Variants in NKAIN3 observed in about 807,000 individuals in gnomAD.
The protein encoded by NKAIN3 is sodium/potassium transporting ATPase interacting 3, also known as sodium/potassium-transporting ATPase subunit beta-1-interacting protein 3.
A neutral mutation model predicts 30.2 loss-of-function variants in NKAIN3; 25 were observed. The observed-to-expected ratio is 0.83, with a 90% confidence interval of 0.60 to 1.16. The LOEUF is 1.16. NKAIN3 is among the 50% of genes most tolerant of loss of function. The pLI, the probability that NKAIN3 is intolerant of heterozygous loss-of-function variation, is 0.00. For synonymous variants in NKAIN3, 91 were observed against 89.6 expected, an observed-to-expected ratio of 1.02 and a Z score of -0.09; for missense variants, 225 against 254.1, an observed-to-expected ratio of 0.89 and a Z score of 0.78.
rs141390890 is a variant in NKAIN3, at chr8:62,436,276, G to A, written c.55-143263G>A. Among the ~76,000 whole-genome samples, 101 of 152,192 alleles carry A rather than the reference G, an allele frequency of 6.6e-4. No individual in the cohort carries two copies. In the South Asian group the frequency reaches 0.011, roughly 17 times the overall value. Reference sequence around the variant, plus strand: ...AGTCTTCTTCCACTTGTATTTTACCGCAAATGTTACTGACTGTTTTCTAAT... The same window carrying A: ...AGTCTTCTTCCACTTGTATTTTACCACAAATGTTACTGACTGTTTTCTAAT... On this transcript the variant is annotated intron_variant, in intron 1 of 6. Transcript: ENST00000623646.
chr8:62,650,126 T>TG lies in NKAIN3; in HGVS notation c.273+60332_273+60333insG, dbSNP rs57560546. 9.4e-3 allele frequency among the ~76,000 whole-genome samples: 1,429 copies of TG among 152,266 alleles called. 16 individuals carry two copies. Among genetic ancestry groups the TG allele is most frequent in the African/African-American group, 0.032 (1,327 of 41,562 alleles). On this transcript the variant is annotated intron_variant, in intron 3 of 6. Coordinates refer to ENST00000623646, the MANE Select transcript of NKAIN3 (RefSeq NM_001304533.3). ...TTTGGTCCTTCTCTTCTGGTGACTA[T>TG]AAGGCAGATATATTTATTATCAGTT...
At position 62,983,168 on chromosome 8, in the gene NKAIN3, G is replaced by GTC. The variant is rs1399391662; in HGVS notation, c.*17762_*17763dup. The GTC allele has an allele frequency of 6.6e-6, 1 of 152,022 alleles. No individual in the cohort carries two copies. Among genetic ancestry groups the GTC allele is most frequent in the African/African-American group, 2.4e-5 (1 of 41,374 alleles). 9.4% of individuals were successfully genotyped at this position (152,022 alleles called of 1,614,324 possible). A position where few individuals can be genotyped will look rare whatever the true frequency, so the allele number is the denominator to read the frequency against. ...CTGGGAGACAAATTATGATTGTTGC[G>GTC]TCCTTCTTTGAAAACACCCCTGCTG... On this transcript the variant is annotated 3_prime_UTR_variant, in exon 7 of 7. Transcript: ENST00000623646.
chr8:62,313,810 G>A (rs1814527635), intron 1 of NKAIN3, among the ~76,000 whole-genome samples: 1 of 151,992 alleles, frequency 6.6e-6, no homozygotes, highest in South Asian at 2.1e-4. Flanking sequence ...TCACATTCAG[G>A]CCAAATATAT....
At chr8:62,434,137 G>A (rs1219924653) in intron 1 of NKAIN3, among the ~76,000 whole-genome samples, 1 of 152,198 alleles carries the variant, frequency 6.6e-6, no homozygotes, top group African/African-American at 2.4e-5. Flanking sequence ...ATTACAGCCT[G>A]AGAGAAGTAG....
chr8:62,964,833 C>T (rs1487177972), intron 6 of NKAIN3, among the ~76,000 whole-genome samples: 2 of 151,902 alleles, frequency 1.3e-5, no homozygotes, highest in African/African-American at 2.4e-5. Flanking sequence ...ACCTTTACAG[C>T]GAGAGGTAAA....
intron 4 of NKAIN3, among the ~76,000 whole-genome samples, chr8:62,897,712 A>T (rs944535222): frequency 1.1e-4 from 16 of 152,172 alleles, no homozygotes; most frequent in African/African-American, 3.9e-4. Context: ...CAGATCCCTC[A>T]TGAATAGACT....
chr8:62,903,571 G>C (rs958985212), intron 4 of NKAIN3, among the ~76,000 whole-genome samples: 1 of 152,108 alleles, frequency 6.6e-6, no homozygotes, highest in Non-Finnish European at 1.5e-5. Flanking sequence ...TGGCCACAAA[G>C]CATGGGGAGA....
chr8:62,976,362 G>A lies in NKAIN3; in HGVS notation c.*10955G>A, dbSNP rs549705013. 3.9e-5 allele frequency among the ~76,000 whole-genome samples: 6 copies of A among 152,126 alleles called. No homozygotes were observed. In the East Asian group the frequency reaches 9.7e-4, roughly 25 times the overall value. On this transcript the variant is annotated 3_prime_UTR_variant, in exon 7 of 7. Transcript: ENST00000623646. ...CTAAGAACTTGCTTTATGAATCTGG[G>A]TGCTCCACTATTAGGTGCATACATA...
At chr8:62,834,513 G>A (rs1000645363) in intron 4 of NKAIN3, among the ~76,000 whole-genome samples, 2 of 151,918 alleles carry the variant, frequency 1.3e-5, no homozygotes, top group African/African-American at 4.8e-5. Context: ...AAAACCAGTA[G>A]CACTTCTATA....
chr8:62,750,106 G>A (rs1228396031), intron 4 of NKAIN3, among the ~76,000 whole-genome samples: 1 of 151,956 alleles, frequency 6.6e-6, no homozygotes, highest in Non-Finnish European at 1.5e-5. Context: ...CCCGAGGGGC[G>A]TGGGCAACAA....
chr8:62,663,373 A>G (rs561889492), intron 3 of NKAIN3, among the ~76,000 whole-genome samples: 6 of 152,316 alleles, frequency 3.9e-5, no homozygotes, highest in African/African-American at 1.4e-4. Context: ...AATTATGAGA[A>G]GCTGAGATAC....
chr8:62,727,724 T>A (rs1461477338), intron 3 of NKAIN3, among the ~76,000 whole-genome samples: 2 of 152,106 alleles, frequency 1.3e-5, no homozygotes, highest in African/African-American at 4.8e-5. Flanking sequence ...TATTTCATGT[T>A]CATGGGTAAG....
chr8:62,680,780 A>T (rs1813622482), intron 3 of NKAIN3, among the ~76,000 whole-genome samples: 1 of 152,000 alleles, frequency 6.6e-6, no homozygotes, highest in African/African-American at 2.4e-5. Context: ...TTTTATACTA[A>T]ATCATTTTGA....
At chr8:62,307,876 G>A (rs1814302491) in intron 1 of NKAIN3, among the ~76,000 whole-genome samples, 1 of 150,592 alleles carries the variant, frequency 6.6e-6, no homozygotes, top group Non-Finnish European at 1.5e-5. Context: ...ACTATACTAA[G>A]GTTGGATAGA....
chr8:62,663,760 A>G (rs898308509), intron 3 of NKAIN3, among the ~76,000 whole-genome samples: 2 of 152,162 alleles, frequency 1.3e-5, no homozygotes, highest in African/African-American at 4.8e-5. Context: ...GCCCAAGTGA[A>G]TGTTGTGGGA....
In NKAIN3 at chr8:62,947,081, A is replaced by G. The variant is rs999651780; in HGVS notation, c.533-6821A>G. 2.6e-5 allele frequency among the ~76,000 whole-genome samples: 4 copies of G among 152,216 alleles called. No individual in the cohort carries two copies. The South Asian group carries it at 6.2e-4, about 24-fold the overall frequency. Reference sequence around the variant, plus strand: ...GAGGCTCTTAACCTGGAGTCTATAAATGCAATGGGCTGTGAACCCCATGAA... The same window carrying G: ...GAGGCTCTTAACCTGGAGTCTATAAGTGCAATGGGCTGTGAACCCCATGAA... On this transcript the variant is annotated intron_variant, in intron 5 of 6. Transcript: ENST00000623646.
intron 5 of NKAIN3, among the ~76,000 whole-genome samples, chr8:62,992,568 T>A (rs1458364864): frequency 6.6e-6 from 1 of 151,878 alleles, no homozygotes; most frequent in Non-Finnish European, 1.5e-5. Context: ...CCTCCAAGTG[T>A]TAGTGTTCCC....
chr8:62,892,359 T>A (rs1821319601), intron 4 of NKAIN3, among the ~76,000 whole-genome samples: 1 of 152,232 alleles, frequency 6.6e-6, no homozygotes, highest in Non-Finnish European at 1.5e-5. Context: ...TAGTGTTAAA[T>A]ACTTCACATT....
intron 3 of NKAIN3, among the ~76,000 whole-genome samples, chr8:62,704,938 A>G (rs1440738241): frequency 1.3e-5 from 2 of 152,160 alleles, no homozygotes; most frequent in Non-Finnish European, 2.9e-5. Context: ...TATCCTTACT[A>G]CTTATTTGTG....
Sources: gnomAD v4.1 joint callset for allele counts (sites outside exome capture counted in the v4.1 genomes callset) on GRCh38, gnomAD v4.1.1 for gene constraint, MANE v1.5 for transcripts, NCBI Gene and HGNC (gene_info 2026-07-23, HGNC 2026-07-21) for gene names.